FGD6: variants seen among roughly 807,000 people sequenced by gnomAD.
FGD6 encodes the protein FYVE, RhoGEF and PH domain-containing protein 6.
Under a neutral mutation model 149.4 loss-of-function variants are expected in FGD6, and 90 were observed. The ratio of observed to expected loss-of-function variants is 0.60; its 90% CI spans 0.51 to 0.72. The LOEUF (loss-of-function observed/expected upper bound fraction) is 0.72, where lower values mean the gene tolerates loss of function less well. Ranked by LOEUF, FGD6 falls within the 30% of genes least tolerant of loss-of-function variation. The probability of loss-of-function intolerance (pLI) is 0.00; values close to 1 mark genes in which losing one functional copy is unlikely to be tolerated. For missense variants in FGD6, 1,437 were observed against 1,684.8 expected (o/e 0.85, Z 2.57); for synonymous variants, 527 against 584.0 (o/e 0.90, Z 1.41).
At chr12:95,109,921 G>A (rs887876110) in intron 9 of FGD6, among the ~76,000 whole-genome samples, 1 of 151,988 alleles carries the variant, frequency 6.6e-6, no homozygotes, top group Admixed American at 6.6e-5. Context: ...AGGGGTTGAG[G>A]TGTTTTGGTC....
chr12:95,084,674 A>G (rs368830446), intron 19 of FGD6, 28 bp from the exon 20 acceptor site: 2 of 1,538,638 alleles, frequency 1.3e-6, no homozygotes, highest in Non-Finnish European at 8.7e-7. Flanking sequence ...AAATGGAGAA[A>G]AGTTTTTAGA....
At chr12:95,127,808 A>G (rs574197942) in intron 8 of FGD6, among the ~76,000 whole-genome samples, 2 of 152,314 alleles carry the variant, frequency 1.3e-5, no homozygotes, top group South Asian at 4.1e-4. Context: ...AAGATCAAAG[A>G]AACCACCTGA....
intron 3 of FGD6, among the ~76,000 whole-genome samples, chr12:95,158,526 C>T (rs565371604): frequency 1.3e-5 from 2 of 152,040 alleles, no homozygotes; most frequent in Non-Finnish European, 2.9e-5. Context: ...CACAGTCTGA[C>T]CTTGACCTGG....
At chr12:95,176,336 A>G (rs754912073) in intron 2 of FGD6, among the ~76,000 whole-genome samples, 1 of 152,328 alleles carries the variant, frequency 6.6e-6, no homozygotes, top group African/African-American at 2.4e-5. Context: ...GAATGATAAC[A>G]TCCTAAGACT....
chr12:95,145,680 G>C lies in FGD6; in HGVS notation c.2686-4141C>G, dbSNP rs1289242340. ...TCCCATTGCAGTGGTCCCTATGTCT[G>C]TTGTTTTTTGTTTTTGAGATGGAGT... On this transcript the variant is annotated intron_variant, in intron 5 of 20. Transcript: ENST00000343958. Among the ~76,000 whole-genome samples, 7 of 152,010 alleles carry C rather than the reference G, an allele frequency of 4.6e-5. No individual in the cohort carries two copies. In the East Asian group the frequency reaches 7.8e-4, roughly 17 times the overall value.
intron 8 of FGD6, chr12:95,117,072 C>T (rs542385798): frequency 2.6e-5 from 7 of 267,494 alleles, no homozygotes; most frequent in East Asian, 9.0e-5. Flanking sequence ...ACCTGGTATT[C>T]GGCAGAAGCT....
At chr12:95,208,179 G>T (rs745424207) in intron 2 of FGD6, among the ~76,000 whole-genome samples, 1 of 152,044 alleles carries the variant, frequency 6.6e-6, no homozygotes, top group Non-Finnish European at 1.5e-5. Flanking sequence ...TTGAGCCTGG[G>T]GAGTCGAGGC....
At chr12:95,084,729 T>TA in intron 19 of FGD6, 83 bp from the exon 20 acceptor site, 2 of 1,109,246 alleles carry the variant, frequency 1.8e-6, no homozygotes, top group South Asian at 2.0e-5. Context: ...TACATAGCTC[T>TA]AATTTAATTT....
At chr12:95,164,491 G>A (rs944130064) in intron 3 of FGD6, among the ~76,000 whole-genome samples, 2 of 151,776 alleles carry the variant, frequency 1.3e-5, no homozygotes, top group Non-Finnish European at 2.9e-5. Flanking sequence ...CTGCAGTGGC[G>A]GGAATCTCAG....
At chr12:95,116,721 T>G (rs1295701578) in intron 8 of FGD6, 2 of 413,378 alleles carry the variant, frequency 4.8e-6, no homozygotes, top group African/African-American at 2.1e-5. Flanking sequence ...ATCTTTATGG[T>G]CTACAAAATC....
intron 8 of FGD6, among the ~76,000 whole-genome samples, chr12:95,115,923 G>A (rs1183721725): frequency 6.6e-6 from 1 of 152,200 alleles, no homozygotes; most frequent in Non-Finnish European, 1.5e-5. Context: ...GCCATGGTGA[G>A]ATGTTATGTA....
At chr12:95,178,669 TTAA>T (rs748108840) in intron 2 of FGD6, among the ~76,000 whole-genome samples, 14 of 152,206 alleles carry the variant, frequency 9.2e-5, no homozygotes, top group Non-Finnish European at 1.6e-4. Flanking sequence ...AATTTAAAAA[TTAA>T]TGATTTTATT....
intron 5 of FGD6, among the ~76,000 whole-genome samples, chr12:95,145,045 G>A (rs1173992579): frequency 7.2e-6 from 1 of 139,508 alleles, no homozygotes; most frequent in Non-Finnish European, 1.5e-5. Context: ...CTGGAGTGTA[G>A]TGGTGCGATC....
At chr12:95,137,863 G>A (rs1012166931) in intron 6 of FGD6, among the ~76,000 whole-genome samples, 185 bp from the exon 7 acceptor site, 1 of 151,924 alleles carries the variant, frequency 6.6e-6, no homozygotes, top group African/African-American at 2.4e-5. Context: ...GACTCTAACT[G>A]GTCTCCCTGC....
intron 3 of FGD6, among the ~76,000 whole-genome samples, chr12:95,163,010 A>G (rs1052881679): frequency 3.3e-5 from 5 of 152,214 alleles, no homozygotes; most frequent in Non-Finnish European, 7.3e-5. Flanking sequence ...GTACACTGCC[A>G]CTAGAATATT....
intron 14 of FGD6, chr12:95,100,916 G>T: frequency 2.7e-6 from 1 of 365,352 alleles, no homozygotes; most frequent in South Asian, 2.5e-5. Context: ...TTTTGCTCCT[G>T]ACAAGAAACT....
At chr12:95,151,499 C>T (rs1051857909) in intron 5 of FGD6, among the ~76,000 whole-genome samples, 3 of 152,254 alleles carry the variant, frequency 2.0e-5, no homozygotes, top group Non-Finnish European at 2.9e-5. Flanking sequence ...AACTCCTGAC[C>T]TCAGGTGATC....
chr12:95,123,841 C>T (rs1010750637), intron 8 of FGD6, among the ~76,000 whole-genome samples: 7 of 152,190 alleles, frequency 4.6e-5, no homozygotes, highest in Admixed American at 3.9e-4. Context: ...GGATTACAGG[C>T]GTGAGCCACC....
chr12:95,153,795 T>C (rs966129103), intron 3 of FGD6, among the ~76,000 whole-genome samples: 4 of 152,206 alleles, frequency 2.6e-5, no homozygotes, highest in African/African-American at 9.6e-5. Context: ...TTCTTCAATC[T>C]ATAACAAATA....
Sources: gnomAD v4.1 joint callset for allele counts (sites outside exome capture counted in the v4.1 genomes callset) on GRCh38, gnomAD v4.1.1 for gene constraint, MANE v1.5 for transcripts, NCBI Gene and HGNC (gene_info 2026-07-23, HGNC 2026-07-21) for gene names.